Variants in SGCG observed in about 807,000 individuals in gnomAD.
SGCG encodes the protein gamma-sarcoglycan.
SGCG carries 26 observed loss-of-function variants against 29.3 expected under a neutral mutation model. The ratio of observed to expected loss-of-function variants is 0.89; its 90% CI spans 0.65 to 1.23. The LOEUF (loss-of-function observed/expected upper bound fraction) is 1.23. Among genes scored for constraint, SGCG ranks in the 50% most tolerant of loss-of-function variants. The pLI, the probability that SGCG is intolerant of heterozygous loss-of-function variation, is 0.00. For synonymous variants in SGCG, 145 were observed against 129.7 expected, an observed-to-expected ratio of 1.12 and a Z score of -0.80; for missense variants, 353 against 356.0, an observed-to-expected ratio of 0.99 and a Z score of 0.07.
At position 23,324,812 on chromosome 13, in the gene SGCG, T is replaced by A; in HGVS notation, c.*271T>A. The A allele has an allele frequency of 2.3e-6, 1 of 442,736 alleles. No homozygotes were observed. The highest frequency in any genetic ancestry group is 4.2e-6 in the Non-Finnish European group (1 of 236,976). 27.4% of individuals were successfully genotyped at this position (442,736 alleles called of 1,614,324 possible). Reference sequence around the variant, plus strand: ...TTTTCACCGGAACAATTGCGAATTCTCTCTGCCTCGCCTCCCCCTATCTTG... The same window carrying A: ...TTTTCACCGGAACAATTGCGAATTCACTCTGCCTCGCCTCCCCCTATCTTG... On this transcript the variant is annotated 3_prime_UTR_variant, in exon 8 of 8. Transcript: ENST00000218867.
intron 1 of SGCG, among the ~76,000 whole-genome samples, chr13:23,185,523 G>A (rs942083848): frequency 6.6e-5 from 10 of 152,152 alleles, no homozygotes; most frequent in Admixed American, 5.9e-4. Context: ...TTTTCCAACA[G>A]CAATTGCTTC....
At chr13:23,184,836 C>T (rs1477121496) in intron 1 of SGCG, among the ~76,000 whole-genome samples, 1 of 152,228 alleles carries the variant, frequency 6.6e-6, no homozygotes, top group Admixed American at 6.5e-5. Context: ...GAATCCGCAT[C>T]TCAGGCTGCT....
intron 4 of SGCG, among the ~76,000 whole-genome samples, chr13:23,251,298 CTAAT>C (rs1879959101): frequency 6.6e-6 from 1 of 152,192 alleles, no homozygotes; most frequent in Non-Finnish European, 1.5e-5. Context: ...ACAAAGTACT[CTAAT>C]TAGCCCAATT....
intron 4 of SGCG, among the ~76,000 whole-genome samples, chr13:23,254,943 AG>A (rs1880120172): frequency 6.6e-6 from 1 of 152,216 alleles, no homozygotes; most frequent in Non-Finnish European, 1.5e-5. Flanking sequence ...GCTTGCACCT[AG>A]GTTTCAGAAG....
intron 3 of SGCG, among the ~76,000 whole-genome samples, chr13:23,238,079 G>A (rs1167156916): frequency 6.6e-6 from 1 of 152,088 alleles, no homozygotes; most frequent in African/African-American, 2.4e-5. Flanking sequence ...TGGACAATGG[G>A]CAGCTCAGGA....
intron 3 of SGCG, among the ~76,000 whole-genome samples, chr13:23,239,895 CAA>C (rs1879444673): frequency 6.6e-6 from 1 of 151,928 alleles, no homozygotes; most frequent in African/African-American, 2.4e-5. Context: ...GCAAAGGAAA[CAA>C]AGAGAAAATT....
the SGCG span, among the ~76,000 whole-genome samples, chr13:23,165,425 TAAA>T: frequency 6.6e-6 from 1 of 151,946 alleles, no homozygotes; most frequent in Non-Finnish European, 1.5e-5. Flanking sequence ...TTGGGATGGA[TAAA>T]AAAGAACAAA....
chr13:23,201,172 C>T (rs983331652), intron 1 of SGCG, among the ~76,000 whole-genome samples: 1 of 152,050 alleles, frequency 6.6e-6, no homozygotes, highest in Non-Finnish European at 1.5e-5. Flanking sequence ...GATTAGGGGA[C>T]CTAAGAGCTG....
At chr13:23,310,079 T>A (rs12872412) in intron 6 of SGCG, among the ~76,000 whole-genome samples, 1 of 8,396 alleles carries the variant, frequency 1.2e-4, no homozygotes, top group African/African-American at 3.4e-4. Flanking sequence ...TGTTTTTCTC[T>A]TTTTTTTTTT....
intron 6 of SGCG, among the ~76,000 whole-genome samples, chr13:23,306,556 A>C (rs181060256): frequency 3.9e-4 from 59 of 152,346 alleles, no homozygotes; most frequent in Admixed American, 3.5e-3. Flanking sequence ...ATTGATAAAA[A>C]TCAATGTCTA....
intron 4 of SGCG, among the ~76,000 whole-genome samples, chr13:23,261,724 A>G (rs1198917373): frequency 2.0e-5 from 3 of 152,112 alleles, no homozygotes; most frequent in Non-Finnish European, 4.4e-5. Flanking sequence ...TCTGAAGTCA[A>G]TGTGAAGGAA....
chr13:23,263,289 T>A (rs1880517023), intron 4 of SGCG, among the ~76,000 whole-genome samples: 1 of 151,890 alleles, frequency 6.6e-6, no homozygotes, highest in Admixed American at 6.6e-5. Flanking sequence ...GAAATGAAAA[T>A]GGAGACAGTG....
chr13:23,167,840 T>C, the SGCG span, among the ~76,000 whole-genome samples: 1 of 152,094 alleles, frequency 6.6e-6, no homozygotes, highest in African/African-American at 2.4e-5. Flanking sequence ...CAAATGATTC[T>C]CCTACTTCAG....
At chr13:23,297,700 C>A (rs1384238978) in intron 6 of SGCG, among the ~76,000 whole-genome samples, 1 of 152,052 alleles carries the variant, frequency 6.6e-6, no homozygotes, top group Non-Finnish European at 1.5e-5. Flanking sequence ...ATGAACATGT[C>A]ACAGTGTTGC....
chr13:23,191,291 C>T (rs1191068386), intron 1 of SGCG, among the ~76,000 whole-genome samples: 1 of 151,798 alleles, frequency 6.6e-6, no homozygotes, highest in Non-Finnish European at 1.5e-5. Flanking sequence ...ACCATCTTCC[C>T]GAGAGCTTTA....
Position 23,250,881 on chromosome 13 carries a change from G to A in SGCG, c.385+164G>A, listed in dbSNP as rs111626620. ...ACCACAGACTAGCACCACAGAGTGG[G>A]GTGGGGGGTGAGGGGACAGCCTGAA... is the stretch of plus-strand genomic sequence containing the variant. On this transcript the variant is annotated intron_variant, in intron 4 of 7. Coordinates refer to ENST00000218867, the MANE Select transcript of SGCG (RefSeq NM_000231.3). 0.048 allele frequency among the ~76,000 whole-genome samples: 7,244 copies of A among 152,258 alleles called. 202 individuals are homozygous for A. The highest frequency in any genetic ancestry group is 0.078 in the South Asian group (374 of 4,822).
chr13:23,165,804 G>A, the SGCG span, among the ~76,000 whole-genome samples: 5 of 152,168 alleles, frequency 3.3e-5, no homozygotes, highest in Admixed American at 3.3e-4. Context: ...TGGGATTACA[G>A]GAATGAGCCA....
At chr13:23,174,484 A>G in the SGCG span, among the ~76,000 whole-genome samples, 3 of 152,216 alleles carry the variant, frequency 2.0e-5, no homozygotes, top group African/African-American at 7.2e-5. Context: ...AATGAAGGCA[A>G]GTACATTTCA....
At position 23,324,470 on chromosome 13, in the gene SGCG, G is replaced by C. The variant is rs1476265061; in HGVS notation, c.805G>C (p.Asp269His). 8.1e-6 allele frequency: 13 copies of C among 1,614,010 alleles called. No individual in the cohort carries two copies. The highest frequency in any genetic ancestry group is 1.1e-5 in the Non-Finnish European group (13 of 1,180,036). ...CCTCTACGAAATCTGTGTGTGTCCA[G>C]ATGGGAAGCTGTACCTGTCTGTGGC... ...QSLYEICVCP[D>H]GKLYLSVAGV... The change falls in exon 8 of 8, where the codon GAT becomes CAT. Residue 269 changes from aspartate (D) to histidine (H), a missense_variant. By Grantham distance (81) the Asp-to-His change is moderately conservative. Transcript: ENST00000218867.
Sources: allele counts gnomAD v4.1 joint callset (sites outside exome capture counted in the v4.1 genomes callset), GRCh38; gene constraint gnomAD v4.1.1; transcripts MANE v1.5; gene names NCBI Gene and HGNC (gene_info 2026-07-23, HGNC 2026-07-21).